CACNB2: variants seen among roughly 807,000 people sequenced by gnomAD.
The protein encoded by CACNB2 is voltage-dependent L-type calcium channel subunit beta-2.
CACNB2 carries 42 observed loss-of-function variants against 73.3 expected under a neutral mutation model. That is an observed-to-expected ratio of 0.57 (90% CI 0.45 to 0.74). The LOEUF (loss-of-function observed/expected upper bound fraction) is 0.74. Among genes scored for constraint, CACNB2 ranks in the 30% least tolerant of loss-of-function variants. The pLI, the probability that CACNB2 is intolerant of heterozygous loss-of-function variation, is 0.00. For synonymous variants in CACNB2, 348 were observed against 310.3 expected, an observed-to-expected ratio of 1.12 and a Z score of -1.28; for missense variants, 940 against 853.0, an observed-to-expected ratio of 1.10 and a Z score of -1.27.
At chr10:18,324,811 G>A (rs11013612) in intron 2 of CACNB2, among the ~76,000 whole-genome samples, 1,652 of 152,340 alleles carry the variant, frequency 0.011, 32 homozygotes, top group African/African-American at 0.038. Context: ...AGCTAAGAGT[G>A]TGCCATTGCA....
At chr10:18,356,835 G>T (rs573097019) in intron 2 of CACNB2, among the ~76,000 whole-genome samples, 166 of 151,646 alleles carry the variant, frequency 1.1e-3, no homozygotes, top group Non-Finnish European at 1.9e-3. Context: ...TCCCCATGTT[G>T]CCCAGGCTGG....
intron 2 of CACNB2, among the ~76,000 whole-genome samples, chr10:18,323,455 G>C (rs946790107): frequency 6.6e-6 from 1 of 151,604 alleles, no homozygotes; most frequent in African/African-American, 2.4e-5. Context: ...TTCCATTTTA[G>C]AACCTATATC....
At chr10:18,438,755 C>T (rs1328820488) in intron 3 of CACNB2, among the ~76,000 whole-genome samples, 2 of 152,206 alleles carry the variant, frequency 1.3e-5, no homozygotes, top group Admixed American at 6.5e-5. Flanking sequence ...TTCTGTTCTC[C>T]CTGGGCCTTA....
At chr10:18,279,116 G>A (rs368623567) in intron 2 of CACNB2, among the ~76,000 whole-genome samples, 1 of 152,140 alleles carries the variant, frequency 6.6e-6, no homozygotes, top group Non-Finnish European at 1.5e-5. Flanking sequence ...TCTTATCAAG[G>A]ACGTTTTAAT....
rs993347509 is a variant in CACNB2 at position 18,170,669 on chromosome 10, C to A, written c.213+19694C>A. ...GTGTGTTGAAAAACCCTTGTGAGGA[C>A]AAGAAGACTAACTAAATCAAATTTT... On this transcript the variant is annotated intron_variant, in intron 2 of 13. Transcript: ENST00000324631. Among the ~76,000 whole-genome samples the A allele has an allele frequency of 3.9e-5, 6 of 152,186 alleles. No individual in the cohort carries two copies. In the East Asian group the frequency reaches 1.2e-3, roughly 29 times the overall value.
intron 2 of CACNB2, among the ~76,000 whole-genome samples, chr10:18,154,057 A>G (rs1241924510): frequency 1.3e-5 from 2 of 151,924 alleles, no homozygotes; most frequent in African/African-American, 2.4e-5. Context: ...TTTGTTTTAA[A>G]ATATCTTGCA....
intron 2 of CACNB2, among the ~76,000 whole-genome samples, chr10:18,343,204 T>C (rs920806280): frequency 1.2e-4 from 19 of 152,198 alleles, no homozygotes; most frequent in Non-Finnish European, 2.2e-4. Context: ...ATGGTATCTT[T>C]AATAACTGCA....
intron 3 of CACNB2, among the ~76,000 whole-genome samples, chr10:18,435,252 A>T (rs1309923668): frequency 6.6e-6 from 1 of 152,170 alleles, no homozygotes; most frequent in Non-Finnish European, 1.5e-5. Flanking sequence ...GTTAGATGGG[A>T]AAGTATAAGG....
intron 2 of CACNB2, among the ~76,000 whole-genome samples, chr10:18,195,739 A>G (rs560599102): frequency 6.6e-6 from 1 of 152,296 alleles, no homozygotes; most frequent in East Asian, 1.9e-4. Flanking sequence ...TCACCCCTCA[A>G]TCTGTGGACT....
chr10:18,486,864 C>T (rs766029850), intron 3 of CACNB2, among the ~76,000 whole-genome samples: 1 of 152,100 alleles, frequency 6.6e-6, no homozygotes, highest in Non-Finnish European at 1.5e-5. Flanking sequence ...ATGTGAGGTT[C>T]ATTGTCTCAC....
chr10:18,235,300 C>A lies in CACNB2; in HGVS notation c.213+84325C>A, dbSNP rs59523812. ...AGACCCAGTCCCTATAAAAAATAAT[C>A]TAAAAAAATTAGCCAGGCACAGCAG... On this transcript the variant is annotated intron_variant, in intron 2 of 13. Coordinates refer to ENST00000324631, the MANE Select transcript of CACNB2 (RefSeq NM_201596.3). Among the ~76,000 whole-genome samples, 1,378 of 151,502 alleles carry A rather than the reference C, an allele frequency of 9.1e-3. 17 individuals are homozygous for A. The highest frequency in any genetic ancestry group is 0.032 in the African/African-American group (1,317 of 41,288).
At chr10:18,218,408 T>C (rs1184610278) in intron 2 of CACNB2, among the ~76,000 whole-genome samples, 1 of 152,212 alleles carries the variant, frequency 6.6e-6, no homozygotes. Flanking sequence ...GTTCACAATC[T>C]AGATCCCAAG....
chr10:18,351,690 A>G (rs2041712511), intron 2 of CACNB2, among the ~76,000 whole-genome samples: 1 of 152,236 alleles, frequency 6.6e-6, no homozygotes, highest in Non-Finnish European at 1.5e-5. Flanking sequence ...AACAAAAGGA[A>G]ACAAAATGAA....
chr10:18,476,481 GT>G (rs2048446644), intron 3 of CACNB2, among the ~76,000 whole-genome samples: 2 of 152,112 alleles, frequency 1.3e-5, no homozygotes, highest in Non-Finnish European at 2.9e-5. Flanking sequence ...TGTTTGCTTG[GT>G]ATACACGCTA....
intron 3 of CACNB2, among the ~76,000 whole-genome samples, chr10:18,449,852 T>A (rs2046930906): frequency 1.3e-5 from 2 of 152,280 alleles, no homozygotes; most frequent in South Asian, 2.1e-4. Context: ...TGCAGGCCAG[T>A]TACAGCAGAG....
intron 3 of CACNB2, among the ~76,000 whole-genome samples, chr10:18,420,873 T>C (rs1427485721): frequency 6.6e-6 from 1 of 152,192 alleles, no homozygotes; most frequent in Non-Finnish European, 1.5e-5. Context: ...CTGAAAATAA[T>C]TTTTTAAAAA....
At chr10:18,402,404 AAC>A (rs1491423606) in intron 3 of CACNB2, among the ~76,000 whole-genome samples, 2 of 151,530 alleles carry the variant, frequency 1.3e-5, no homozygotes, top group Non-Finnish European at 2.9e-5. Context: ...AAAAAAAAAA[AAC>A]AGACTGACTT....
At chr10:18,205,381 T>A (rs548985320) in intron 2 of CACNB2, among the ~76,000 whole-genome samples, 1 of 152,206 alleles carries the variant, frequency 6.6e-6, no homozygotes, top group African/African-American at 2.4e-5. Context: ...CAGCGAGCAC[T>A]CGTAAATGGT....
chr10:18,492,235 C>A (rs1399009917), intron 3 of CACNB2, among the ~76,000 whole-genome samples: 1 of 152,182 alleles, frequency 6.6e-6, no homozygotes, highest in Non-Finnish European at 1.5e-5. Context: ...CCAGGCCCCA[C>A]CTCCCACACT....
Sources: gnomAD v4.1 joint callset for allele counts (sites outside exome capture counted in the v4.1 genomes callset) on GRCh38, gnomAD v4.1.1 for gene constraint, MANE v1.5 for transcripts, NCBI Gene and HGNC (gene_info 2026-07-23, HGNC 2026-07-21) for gene names.